Variants in SNRPC observed in about 807,000 individuals in gnomAD.
The protein encoded by SNRPC is small nuclear ribonucleoprotein polypeptide C, also known as U1 small nuclear ribonucleoprotein C.
Under a neutral mutation model 20.0 loss-of-function variants are expected in SNRPC, and 5 were observed. The observed-to-expected ratio is 0.25, with a 90% CI of 0.13 to 0.53. SNRPC has a LOEUF of 0.53. SNRPC is among the 20% of genes least tolerant of loss of function. The probability of loss-of-function intolerance (pLI) is 0.96; values close to 1 mark genes in which losing one functional copy is unlikely to be tolerated. For missense variants in SNRPC, 112 were observed against 224.1 expected (o/e 0.50, Z 3.19); for synonymous variants, 61 against 58.7 (o/e 1.04, Z -0.18).
intron 1 of SNRPC, 138 bp downstream of exon 1, chr6:34,757,689 T>C: frequency 7.3e-7 from 1 of 1,377,866 alleles, no homozygotes; most frequent in Non-Finnish European, 1.0e-6. Context: ...GGCAGGGAGA[T>C]GGAGAGCGCT....
chr6:34,770,417 T>C, intron 5 of SNRPC, 22 bp downstream of exon 5: 1 of 1,465,488 alleles, frequency 6.8e-7, no homozygotes, highest in Non-Finnish European at 9.6e-7. Flanking sequence ...TGTCTGTCTT[T>C]CTAGTTTGTT....
intron 3 of SNRPC, among the ~76,000 whole-genome samples, chr6:34,766,489 G>A: frequency 6.6e-6 from 1 of 152,186 alleles, no homozygotes; most frequent in East Asian, 1.9e-4. Flanking sequence ...AGGAGCCACT[G>A]CACTCGGCTT....
chr6:34,763,748 C>T (rs370946103), intron 3 of SNRPC, among the ~76,000 whole-genome samples: 6 of 150,684 alleles, frequency 4.0e-5, no homozygotes, highest in East Asian at 2.0e-4. Flanking sequence ...GAGACAGTCT[C>T]ACTCTGTCGC....
chr6:34,771,348 AAGT>A (rs1764688492), intron 5 of SNRPC, among the ~76,000 whole-genome samples: 1 of 149,942 alleles, frequency 6.7e-6, no homozygotes, highest in African/African-American at 2.5e-5. Flanking sequence ...AAAAAAAAAA[AAGT>A]GTGTCTAATG....
chr6:34,767,083 G>A (rs1194405333), intron 3 of SNRPC, among the ~76,000 whole-genome samples: 1 of 152,074 alleles, frequency 6.6e-6, no homozygotes, highest in South Asian at 2.1e-4. Context: ...CTCTTTTGGG[G>A]CAGGCTTATA....
At chr6:34,766,984 GA>G (rs1323236744) in intron 3 of SNRPC, among the ~76,000 whole-genome samples, 1 of 151,918 alleles carries the variant, frequency 6.6e-6, no homozygotes, top group East Asian at 1.9e-4. Context: ...AAATATAGAT[GA>G]TCTTCAGTTT....
intron 5 of SNRPC, among the ~76,000 whole-genome samples, chr6:34,770,979 T>G (rs1484299618): frequency 1.3e-5 from 2 of 152,200 alleles, no homozygotes; most frequent in Admixed American, 6.6e-5. Flanking sequence ...TAATGTAAAT[T>G]TAAACATACA....
chr6:34,769,481 C>T (rs1764659353), intron 4 of SNRPC, among the ~76,000 whole-genome samples: 1 of 152,096 alleles, frequency 6.6e-6, no homozygotes, highest in African/African-American at 2.4e-5. Context: ...GCTTGAGCCA[C>T]CACCCCCAGC....
chr6:34,765,316 C>A (rs1421376819), intron 3 of SNRPC, among the ~76,000 whole-genome samples: 1 of 152,172 alleles, frequency 6.6e-6, no homozygotes, highest in East Asian at 1.9e-4. Flanking sequence ...TTGTTTCTGG[C>A]CGAGACAGCC....
At chr6:34,759,076 A>G (rs908130783) in intron 2 of SNRPC, among the ~76,000 whole-genome samples, 2 of 152,088 alleles carry the variant, frequency 1.3e-5, no homozygotes, top group Non-Finnish European at 2.9e-5. Flanking sequence ...TTAATGTCAC[A>G]ATCTAATCAG....
chr6:34,773,780 CTCTT>C lies in SNRPC; in HGVS notation c.*213_*216del. The C allele has an allele frequency of 2.3e-6, 1 of 425,788 alleles. No homozygotes were observed. The highest frequency in any genetic ancestry group is 3.4e-5 in the East Asian group (1 of 29,046). 26.4% of individuals were successfully genotyped at this position (425,788 alleles called of 1,614,324 possible). A position where few individuals can be genotyped will look rare whatever the true frequency, so the allele number is the denominator to read the frequency against. On this transcript the variant is annotated 3_prime_UTR_variant, in exon 6 of 6. Transcript: ENST00000244520. The surrounding 1 kb of genome is among the most constrained non-coding windows in gnomAD (Gnocchi z 4.1). The stretch of plus-strand genomic sequence containing the variant: ...GGAAATGTGAAAATAAAATTGTCAA[CTCTT>C]TCAGTTAAAAGTGTGTTCCCTTTTT...
At chr6:34,769,233 T>C (rs998545580) in intron 4 of SNRPC, among the ~76,000 whole-genome samples, 12 of 144,514 alleles carry the variant, frequency 8.3e-5, no homozygotes, top group African/African-American at 1.2e-4. Flanking sequence ...TTCTTTCTTT[T>C]TTTTTTTTTT....
In SNRPC at chr6:34,757,608, C is replaced by T. The variant is rs1764469949; in HGVS notation, c.8+57C>T. On this transcript the variant is annotated intron_variant, in intron 1 of 5. Coordinates refer to ENST00000244520, the MANE Select transcript of SNRPC (RefSeq NM_003093.3). Reference sequence around the variant, plus strand: ...GTAGTCACTAGTTGTGGCCCCCATGCAGGAGCGGAGAGCGGGTTCTGGTTT... The same window carrying T: ...GTAGTCACTAGTTGTGGCCCCCATGTAGGAGCGGAGAGCGGGTTCTGGTTT... 4.4e-6 allele frequency: 7 copies of T among 1,574,440 alleles called. No homozygotes were observed. In the Admixed American group the frequency reaches 1.0e-4, roughly 23 times the overall value.
At chr6:34,759,019 CA>C (rs755576537) in intron 2 of SNRPC, among the ~76,000 whole-genome samples, 3,998 of 24,546 alleles carry the variant, frequency 0.16, 106 homozygotes, top group African/African-American at 0.19. Flanking sequence ...GACTCCGTCT[CA>C]AAAAAAAAAA....
chr6:34,767,861 GA>G, intron 3 of SNRPC, 46 bp from the exon 4 acceptor site: 1 of 1,510,936 alleles, frequency 6.6e-7, no homozygotes, highest in African/African-American at 1.4e-5. Context: ...CTGGATTGTT[GA>G]ATTCTTATTC....
intron 3 of SNRPC, among the ~76,000 whole-genome samples, chr6:34,763,411 G>A (rs972051530): frequency 4.6e-5 from 7 of 152,066 alleles, no homozygotes; most frequent in Admixed American, 2.0e-4. Context: ...GCCAGGTGCA[G>A]TGGCTGATGC....
intron 5 of SNRPC, chr6:34,772,988 C>T (rs1317377605): frequency 1.9e-5 from 3 of 154,728 alleles, no homozygotes; most frequent in African/African-American, 7.2e-5. Context: ...TTTCCTACAA[C>T]TCCGAACAAA....
At chr6:34,757,814 T>C (rs1169992094) in intron 1 of SNRPC, 98 bp from the exon 2 acceptor site, 1 of 1,601,412 alleles carries the variant, frequency 6.2e-7, no homozygotes, top group Non-Finnish European at 8.5e-7. Flanking sequence ...CTTTTTGTTT[T>C]GTTTGTTTGT....
chr6:34,763,994 C>T (rs1254932398), intron 3 of SNRPC, among the ~76,000 whole-genome samples: 4 of 150,704 alleles, frequency 2.7e-5, no homozygotes, highest in Non-Finnish European at 5.9e-5. Context: ...GGATTACAGG[C>T]GTGAGCCACC....
Sources: allele counts gnomAD v4.1 joint callset (sites outside exome capture counted in the v4.1 genomes callset), GRCh38; gene constraint gnomAD v4.1.1; non-coding constraint Gnocchi (gnomAD v3.1); transcripts MANE v1.5; gene names NCBI Gene and HGNC (gene_info 2026-07-23, HGNC 2026-07-21).